The following TSHZ2 variants were observed in gnomAD, a reference collection of about 807,000 sequenced individuals.
The protein encoded by TSHZ2 is teashirt homolog 2.
In TSHZ2, 21 loss-of-function variants were observed where a neutral mutation model predicts 74.4. That is an observed-to-expected ratio of 0.28 (90% confidence interval 0.20 to 0.41). The LOEUF (loss-of-function observed/expected upper bound fraction) is 0.41. TSHZ2 is among the 10% of genes least tolerant of loss of function. TSHZ2 has a pLI of 1.00. For missense variants in TSHZ2, 1,244 were observed against 1,293.5 expected (o/e 0.96, Z 0.59); for synonymous variants, 540 against 515.3 (o/e 1.05, Z -0.65).
At chr20:53,236,264 A>T (rs1989936401) in intron 1 of TSHZ2, among the ~76,000 whole-genome samples, 1 of 152,200 alleles carries the variant, frequency 6.6e-6, no homozygotes, top group Admixed American at 6.5e-5. Context: ...TTGCTCTGGC[A>T]TTCCTTTACT....
At chr20:53,199,479 A>C (rs1988948438) in intron 1 of TSHZ2, among the ~76,000 whole-genome samples, 1 of 152,204 alleles carries the variant, frequency 6.6e-6, no homozygotes, top group South Asian at 2.1e-4. Context: ...ATCTCAAAAA[A>C]AGTAAAATAA....
At chr20:53,384,041 G>T (rs1981956394) in intron 2 of TSHZ2, among the ~76,000 whole-genome samples, 1 of 152,110 alleles carries the variant, frequency 6.6e-6, no homozygotes, top group African/African-American at 2.4e-5. Flanking sequence ...TCACCTTTTT[G>T]CTATTTTCGA....
intron 1 of TSHZ2, among the ~76,000 whole-genome samples, chr20:53,202,555 C>G (rs1447066195): frequency 6.6e-6 from 1 of 152,156 alleles, no homozygotes; most frequent in Non-Finnish European, 1.5e-5. Context: ...TTATCTCCAT[C>G]TTCCCAGCAA....
chr20:53,367,606 T>C (rs1434187704), intron 2 of TSHZ2, among the ~76,000 whole-genome samples: 2 of 151,874 alleles, frequency 1.3e-5, no homozygotes, highest in Non-Finnish European at 2.9e-5. Flanking sequence ...AGTCTCACTC[T>C]GTCACCCAGG....
intron 2 of TSHZ2, among the ~76,000 whole-genome samples, chr20:53,383,610 A>C (rs1981937314): frequency 6.6e-6 from 1 of 151,916 alleles, no homozygotes. Flanking sequence ...AAAATAATAA[A>C]ATTAGCTGGG....
intron 2 of TSHZ2, among the ~76,000 whole-genome samples, chr20:53,369,124 G>A (rs566967987): frequency 1.3e-5 from 2 of 152,110 alleles, no homozygotes; most frequent in Non-Finnish European, 2.9e-5. Context: ...CATTAACTGG[G>A]TGTGGTGGTG....
intron 1 of TSHZ2, among the ~76,000 whole-genome samples, chr20:53,160,942 C>T (rs1987918413): frequency 1.3e-5 from 2 of 151,696 alleles, no homozygotes; most frequent in Non-Finnish European, 1.5e-5. Context: ...TTCCACTAAT[C>T]TATTAATAAA....
intron 1 of TSHZ2, among the ~76,000 whole-genome samples, chr20:53,109,086 C>T (rs1986458543): frequency 6.6e-6 from 1 of 152,104 alleles, no homozygotes; most frequent in Non-Finnish European, 1.5e-5. Flanking sequence ...CCTGACTTCT[C>T]CTCTCTCCAT....
At chr20:53,171,547 G>GTT (rs34176657) in intron 1 of TSHZ2, among the ~76,000 whole-genome samples, 2 of 149,904 alleles carry the variant, frequency 1.3e-5, no homozygotes, top group African/African-American at 2.4e-5. Context: ...CCTTCTAAAT[G>GTT]TTTTTTTTTT....
intron 1 of TSHZ2, among the ~76,000 whole-genome samples, chr20:53,086,053 C>G (rs1027995460): frequency 2.0e-5 from 3 of 152,134 alleles, no homozygotes; most frequent in East Asian, 1.9e-4. Context: ...GCATGGAGGC[C>G]GTGTCTTCTG....
chr20:53,484,712 T>C (rs185613943), intron 2 of TSHZ2, among the ~76,000 whole-genome samples: 1 of 152,326 alleles, frequency 6.6e-6, no homozygotes, highest in East Asian at 1.9e-4. Flanking sequence ...AAAATGAGAT[T>C]GTTTCAAGAG....
At chr20:53,249,919 G>A (rs2123712275) in intron 1 of TSHZ2, among the ~76,000 whole-genome samples, 1 of 152,334 alleles carries the variant, frequency 6.6e-6, no homozygotes, top group East Asian at 1.9e-4. Flanking sequence ...CAGACTGTGG[G>A]AAGTAGAAGC....
chr20:53,030,801 G>A (rs1439952919), intron 1 of TSHZ2, among the ~76,000 whole-genome samples: 2 of 152,170 alleles, frequency 1.3e-5, no homozygotes, highest in South Asian at 2.1e-4. Flanking sequence ...GATGCGTAAT[G>A]TAAACATTAT....
chr20:53,396,740 G>A lies in TSHZ2; in HGVS notation c.*9-90404G>A, dbSNP rs140390313. 2.1e-3 allele frequency among the ~76,000 whole-genome samples: 314 copies of A among 151,782 alleles called. 2 individuals are homozygous for A. The highest frequency in any genetic ancestry group is 7.1e-3 in the African/African-American group (294 of 41,344). On this transcript the variant is annotated intron_variant, in intron 2 of 2. Transcript: ENST00000371497. ...CTCATGCCTGTAGTCCCAGCTACTC[G>A]GGAAGCTGAGGTGAGCGGATCACTT...
intron 2 of TSHZ2, among the ~76,000 whole-genome samples, chr20:53,458,691 T>G (rs1277077662): frequency 6.6e-6 from 1 of 152,088 alleles, no homozygotes; most frequent in African/African-American, 2.4e-5. Flanking sequence ...CTTTCTCTTG[T>G]GAGCATTTAG....
chr20:53,118,303 A>G (rs1319175681), intron 1 of TSHZ2, among the ~76,000 whole-genome samples: 1 of 152,226 alleles, frequency 6.6e-6, no homozygotes, highest in Non-Finnish European at 1.5e-5. Flanking sequence ...AAGAGTTAAA[A>G]TATGACCCAA....
intron 1 of TSHZ2, among the ~76,000 whole-genome samples, chr20:53,152,398 T>A (rs1987695189): frequency 6.6e-6 from 1 of 152,092 alleles, no homozygotes; most frequent in South Asian, 2.1e-4. Flanking sequence ...ACCCTAACCC[T>A]GACTCTCAGC....
chr20:53,343,455 T>C (rs1980303956), intron 2 of TSHZ2, among the ~76,000 whole-genome samples: 1 of 152,076 alleles, frequency 6.6e-6, no homozygotes, highest in Admixed American at 6.5e-5. Context: ...TGTCGGCAGA[T>C]AAAAAGAAAT....
At chr20:53,208,272 C>T (rs530611459) in intron 1 of TSHZ2, among the ~76,000 whole-genome samples, 6 of 152,270 alleles carry the variant, frequency 3.9e-5, no homozygotes, top group African/African-American at 7.2e-5. Context: ...CCACTGGTGG[C>T]GCTAGTGAGC....
Sources: allele counts gnomAD v4.1 joint callset (sites outside exome capture counted in the v4.1 genomes callset), GRCh38; gene constraint gnomAD v4.1.1; transcripts MANE v1.5; gene names NCBI Gene and HGNC (gene_info 2026-07-23, HGNC 2026-07-21).